Variants in RAPGEF3 observed in about 807,000 individuals in gnomAD.
The protein encoded by RAPGEF3 is 9330170P05Rik.
RAPGEF3 carries 103 observed loss-of-function variants against 129.8 expected under a neutral mutation model. The ratio of observed to expected loss-of-function variants is 0.79; its 90% CI spans 0.68 to 0.93. The LOEUF is 0.93. Among genes scored for constraint, RAPGEF3 ranks in the 40% least tolerant of loss-of-function variants. The pLI, the probability that RAPGEF3 is intolerant of heterozygous loss-of-function variation, is 0.00. For missense variants in RAPGEF3, 1,117 were observed against 1,207.4 expected (o/e 0.93, Z 1.11); for synonymous variants, 436 against 482.6 (o/e 0.90, Z 1.26).
rs1941421052 is a variant in RAPGEF3, at chr12:47,746,451, T to C, written c.1596+409A>G. 5 of 552,736 alleles carry C rather than the reference T, an allele frequency of 9.0e-6. No homozygotes were observed. The East Asian group carries it at 1.6e-4, about 18-fold the overall frequency. The allele number at this position is 552,736 out of a possible 1,614,324, so 34.2% of individuals were successfully genotyped here. On this transcript the variant is annotated intron_variant, in intron 16 of 27. Coordinates refer to ENST00000449771, the MANE Select transcript of RAPGEF3 (RefSeq NM_001098531.4). ...CTTCCCTTTAAGCCCCAGCTGAGAA[T>C]GGCCTGGGGCCCCCTCTGACTTTCC...
intron 3 of RAPGEF3, 36 bp downstream of exon 3, chr12:47,751,880 C>T (rs746350401): frequency 1.2e-6 from 2 of 1,614,040 alleles, no homozygotes; most frequent in South Asian, 1.1e-5. Context: ...CCTCATGGTG[C>T]TGCCTGTCCC....
At chr12:47,753,958 C>G (rs1941906760) in intron 2 of RAPGEF3, 2 of 152,216 alleles carry the variant, frequency 1.3e-5, no homozygotes, top group Admixed American at 1.3e-4. Flanking sequence ...GAGGAAGGGA[C>G]TTTAAGGAAT....
intron 7 of RAPGEF3, 130 bp from the exon 8 acceptor site, chr12:47,750,120 C>G: frequency 8.2e-7 from 1 of 1,215,346 alleles, no homozygotes; most frequent in Non-Finnish European, 1.2e-6. Flanking sequence ...GTCAGGTGTT[C>G]CCAGGATTCA....
Position 47,740,937 on chromosome 12 carries a change from C to G in RAPGEF3, c.2027G>C (p.Ser676Thr). 6.2e-7 allele frequency: 1 copy of G among 1,614,034 alleles called. No homozygotes were observed. Among genetic ancestry groups the G allele is most frequent in the Admixed American group, 1.7e-5 (1 of 60,018 alleles). Residue 676 changes from serine (S) to threonine (T), a missense_variant, in exon 20 of 28, where the codon AGC (serine) becomes ACC (threonine). By Grantham distance (58) the Ser-to-Thr change is moderately conservative. This residue lies in a region of RAPGEF3 where 643 missense variants were observed against 673.4 expected (regional missense o/e 0.95). Coordinates refer to ENST00000449771, the MANE Select transcript of RAPGEF3 (RefSeq NM_001098531.4). ...LAGQLTDHDWSLFNSIHQVEL... is the reference protein window; with the variant it reads ...LAGQLTDHDWTLFNSIHQVEL... ...TACCTGGTGGATACTGTTGAAGAGG[C>G]TCCAGTCGTGGTCCGTCAGCTGGCC...
chr12:47,740,187 AGCC>A lies in RAPGEF3; in HGVS notation c.2324_2326del (p.Arg775del). On this transcript the variant is annotated inframe_deletion and splice_region_variant, in exon 23 of 28. Coordinates refer to ENST00000449771, the MANE Select transcript of RAPGEF3 (RefSeq NM_001098531.4). ...GTACAGCTTCCGGACTTTGTGAGGC[AGCC>A]GCTGTGAAAAGGAGGCAGATGAGCG... 6.2e-7 allele frequency: 1 copy of A among 1,613,804 alleles called. No homozygotes were observed. Among genetic ancestry groups the A allele is most frequent in the South Asian group, 1.1e-5 (1 of 91,056 alleles).
chr12:47,756,523 ACT>A (rs1942061793), intron 2 of RAPGEF3: 1 of 151,774 alleles, frequency 6.6e-6, no homozygotes, highest in South Asian at 2.1e-4. Flanking sequence ...TGACATGTGG[ACT>A]CTCCTCTCAA....
chr12:47,750,117 G>A, intron 7 of RAPGEF3, 127 bp from the exon 8 acceptor site: 2 of 1,230,592 alleles, frequency 1.6e-6, no homozygotes, highest in African/African-American at 1.5e-5. Flanking sequence ...CAGGTCAGGT[G>A]TTCCCAGGAT....
At position 47,751,045 on chromosome 12, in the gene RAPGEF3, C is replaced by CA. The variant is rs1941709543; in HGVS notation, c.671+2dup. On this transcript the variant is annotated splice_region_variant and intron_variant, in intron 6 of 27. Transcript: ENST00000449771. Reference sequence around the variant, plus strand: ...GTCACGGGGTGCAGGGATTCTGACTCACGGCTTTCGAAGTGCCACAGTGAG... The same window carrying CA: ...GTCACGGGGTGCAGGGATTCTGACTCAACGGCTTTCGAAGTGCCACAGTGAG... 6.3e-7 allele frequency: 1 copy of CA among 1,597,364 alleles called. No individual in the cohort carries two copies. Among genetic ancestry groups the CA allele is most frequent in the Non-Finnish European group, 8.5e-7 (1 of 1,173,034 alleles).
intron 23 of RAPGEF3, 105 bp from the exon 24 acceptor site, chr12:47,739,335 G>GC: frequency 1.1e-6 from 1 of 892,774 alleles, no homozygotes; most frequent in Non-Finnish European, 1.8e-6. Flanking sequence ...AGGTGCAGAG[G>GC]CCCCAACTCA....
chr12:47,756,232 G>T (rs954117380), intron 2 of RAPGEF3: 1 of 152,184 alleles, frequency 6.6e-6, no homozygotes, highest in African/African-American at 2.4e-5. Context: ...CTCCCTCCCA[G>T]ACTTCAGGTC....
At chr12:47,741,768 C>T (rs1414345519) in intron 18 of RAPGEF3, 166 bp from the exon 19 acceptor site, 4 of 623,248 alleles carry the variant, frequency 6.4e-6, no homozygotes, top group Non-Finnish European at 8.7e-6. Context: ...TGTGCCCACG[C>T]AGCCACGCAG....
At chr12:47,746,533 TGGGCCTCA>T (rs1941426037) in intron 16 of RAPGEF3, 1 of 649,536 alleles carries the variant, frequency 1.5e-6, no homozygotes, top group Non-Finnish European at 2.8e-6. Flanking sequence ...AGGAGCCCCG[TGGGCCTCA>T]GGGGCCAACT....
Position 47,749,804 on chromosome 12 carries a change from C to G in RAPGEF3, c.831G>C (p.Gly277=). Residue 277 remains glycine (G), a synonymous_variant, in exon 9 of 28, where the codon GGG becomes GGC. Transcript: ENST00000449771. This position sits in a 1 kb window ranked among gnomAD's most constrained non-coding sequence, Gnocchi z 4.5. ...TAATGTACCACGAAGTGCCCTTGTCCCCCTGGCTGAACACTGACAGAAGCA... is the reference window on the plus strand; with the variant it reads ...TAATGTACCACGAAGTGCCCTTGTCGCCCTGGCTGAACACTGACAGAAGCA... The part of the protein sequence containing the change: ...SKAGTVLFSQ[G]DKGTSWYIIW... The G allele has an allele frequency of 5.6e-6, 9 of 1,614,200 alleles. No individual in the cohort carries two copies. Among genetic ancestry groups the G allele is most frequent in the Non-Finnish European group, 7.6e-6 (9 of 1,180,036 alleles).
At chr12:47,747,001 T>C (rs1322049931) in intron 15 of RAPGEF3, 102 bp from the exon 16 acceptor site, 5 of 1,165,274 alleles carry the variant, frequency 4.3e-6, no homozygotes, top group Non-Finnish European at 6.1e-6. Context: ...TCACCAGTGG[T>C]TCAGAGGTAA....
At chr12:47,755,894 C>T (rs1942025108) in intron 2 of RAPGEF3, 1 of 152,192 alleles carries the variant, frequency 6.6e-6, no homozygotes, top group African/African-American at 2.4e-5. Flanking sequence ...CTTCCCTGGG[C>T]TAAAGGCATC....
intron 19 of RAPGEF3, 109 bp from the exon 20 acceptor site, chr12:47,741,149 T>C: frequency 7.3e-7 from 1 of 1,362,478 alleles, no homozygotes; most frequent in Non-Finnish European, 1.0e-6. Context: ...GGAGGAGGGT[T>C]AGGAGGGCAG....
At chr12:47,752,846 G>C (rs1265390748) in intron 2 of RAPGEF3, 2 of 152,178 alleles carry the variant, frequency 1.3e-5, no homozygotes, top group Non-Finnish European at 2.9e-5. Context: ...GTGGCACACA[G>C]GACTGGCTCA....
At chr12:47,755,474 C>A (rs180675816) in intron 2 of RAPGEF3, among the ~76,000 whole-genome samples, 14 of 152,290 alleles carry the variant, frequency 9.2e-5, no homozygotes, top group Admixed American at 9.1e-4. Context: ...CAAAGAGAAT[C>A]ATCTCAGACT....
At chr12:47,746,966 T>TGGGGCTCTGGATTCTCCCCGGCCCTC (rs1344999387) in intron 15 of RAPGEF3, 67 bp from the exon 16 acceptor site, 43 of 1,475,456 alleles carry the variant, frequency 2.9e-5, no homozygotes, top group Non-Finnish European at 3.7e-5. Context: ...GGGAGGCCCT[T>TGGGGCTCTGGATTCTCCCCGGCCCTC]GGGGCTCTGG....
Sources: allele counts gnomAD v4.1 joint callset (sites outside exome capture counted in the v4.1 genomes callset), GRCh38; gene constraint gnomAD v4.1.1; regional missense constraint gnomAD v4.1.1; non-coding constraint Gnocchi (gnomAD v3.1); transcripts MANE v1.5; gene names NCBI Gene and HGNC (gene_info 2026-07-23, HGNC 2026-07-21).